NDRG4: variants seen among roughly 807,000 people sequenced by gnomAD.
NDRG4 encodes the protein protein NDRG4.
Under a neutral mutation model 55.8 loss-of-function variants are expected in NDRG4, and 38 were observed. The ratio of observed to expected loss-of-function variants is 0.68; its 90% CI spans 0.53 to 0.89. The LOEUF (loss-of-function observed/expected upper bound fraction) is 0.89. Among genes scored for constraint, NDRG4 ranks in the 40% least tolerant of loss-of-function variants. The pLI is 0.00. For synonymous variants in NDRG4, 190 were observed against 182.7 expected (o/e 1.04, Z -0.32); for missense variants, 455 against 468.6 (o/e 0.97, Z 0.27).
rs1384479739 is a variant in NDRG4 at position 58,500,150 on chromosome 16, C to T, written c.-99C>T. 3.9e-6 allele frequency: 6 copies of T among 1,535,182 alleles called. No individual in the cohort carries two copies. The Admixed American group carries it at 5.9e-5, about 15-fold the overall frequency. On this transcript the variant is annotated 5_prime_UTR_variant, in exon 1 of 15. Coordinates refer to ENST00000570248, the MANE Select transcript of NDRG4 (RefSeq NM_001242835.2). ...CAGGAGCTGTGCCCCATCACAGAGC[C>T]GACCATCTCCCACTCGAGCTGCCCC... is the stretch of plus-strand genomic sequence containing the variant.
rs144560470 is a variant in NDRG4, at chr16:58,503,809, C to T, written c.33C>T (p.Ile11=). The stretch of plus-strand genomic sequence containing the variant: ...TCTCTCCCCTTCAGGAACATGACAT[C>T]GAGACACCCTACGGCCTTCTGCATG... MPECWDGEHD[I]ETPYGLLHVV... The change falls in exon 2 of 15, where the codon ATC becomes ATT. Residue 11 remains isoleucine, a synonymous_variant. Transcript: ENST00000570248. 40 of 1,613,826 alleles carry T rather than the reference C, an allele frequency of 2.5e-5. No individual in the cohort carries two copies. The highest frequency in any genetic ancestry group is 1.3e-4 in the Admixed American group (8 of 60,000).
At chr16:58,487,903 GC>G in intron 2 of NDRG4, 1 of 1,371,718 alleles carries the variant, frequency 7.3e-7, no homozygotes, top group East Asian at 2.7e-5. Flanking sequence ...CCACCTCGTG[GC>G]CAAGAGGGAG....
intron 14 of NDRG4, 103 bp downstream of exon 14, chr16:58,510,786 T>C: frequency 9.2e-7 from 1 of 1,091,644 alleles, no homozygotes; most frequent in Non-Finnish European, 1.3e-6. Flanking sequence ...CTTGCTGTGG[T>C]TTGGAACCTT....
chr16:58,470,912 A>G (rs1459408920), intron 1 of NDRG4, among the ~76,000 whole-genome samples: 1 of 151,106 alleles, frequency 6.6e-6, no homozygotes, highest in Non-Finnish European at 1.5e-5. Context: ...ATCTCCAAAA[A>G]AAAAAAAAAA....
chr16:58,507,212 G>C (rs558517634), intron 8 of NDRG4, 197 bp downstream of exon 8: 17 of 579,680 alleles, frequency 2.9e-5, no homozygotes, highest in Middle Eastern at 4.6e-4. Context: ...TTCAGACTCC[G>C]GGCCTTGGGC....
chr16:58,495,622 A>G (rs1056975982), upstream of NDRG4: 1 of 152,910 alleles, frequency 6.5e-6, no homozygotes, highest in African/African-American at 2.4e-5. Context: ...TCAGCCTCCA[A>G]GCCCCGTGAC....
rs1597291264 is a variant in NDRG4, at chr16:58,503,587, A to G, written c.22-211A>G. 5.5e-6 allele frequency: 5 copies of G among 906,482 alleles called. No homozygotes were observed. The East Asian group carries it at 1.1e-4, about 19-fold the overall frequency. 56.2% of individuals were successfully genotyped at this position (906,482 alleles called of 1,614,324 possible). A position where few individuals can be genotyped will look rare whatever the true frequency, so the allele number is the denominator to read the frequency against. The stretch of plus-strand genomic sequence containing the variant: ...GGACCAGACCTTCCCCATGCAGATC[A>G]GTTCACATTGTCTCTGTACTGAACA... On this transcript the variant is annotated intron_variant, in intron 1 of 14. Coordinates refer to ENST00000570248, the MANE Select transcript of NDRG4 (RefSeq NM_001242835.2).
Position 58,506,133 on chromosome 16 carries a change from C to CGTGTGTGTGT in NDRG4, c.373-239_373-230dup, listed in dbSNP as rs113481456. The stretch of plus-strand genomic sequence containing the variant: ...TTAAGAGCTGATTCTGTTGAAAGAG[C>CGTGTGTGTGT]GTGTGTGTGTGTGTGTGTGTGTGTC... On this transcript the variant is annotated intron_variant, in intron 5 of 14. Coordinates refer to ENST00000570248, the MANE Select transcript of NDRG4 (RefSeq NM_001242835.2). 6.1e-3 allele frequency: 3,307 copies of CGTGTGTGTGT among 540,214 alleles called. 79 individuals are homozygous for CGTGTGTGTGT. Among genetic ancestry groups the CGTGTGTGTGT allele is most frequent in the African/African-American group, 0.037 (1,680 of 44,968 alleles). The allele number at this position is 540,214 out of a possible 1,614,324, so 33.5% of individuals were successfully genotyped here. A position where few individuals can be genotyped will look rare whatever the true frequency, so the allele number is the denominator to read the frequency against.
At chr16:58,497,808 G>A (rs971160811), upstream of NDRG4, among the ~76,000 whole-genome samples, 3 of 152,194 alleles carry the variant, frequency 2.0e-5, no homozygotes, top group Admixed American at 6.5e-5. Context: ...GAGGCACACA[G>A]GCTGCCTCAT....
chr16:58,507,796 C>A lies in NDRG4; in HGVS notation c.621-12C>A. On this transcript the variant is annotated splice_polypyrimidine_tract_variant and intron_variant, in intron 8 of 14. Transcript: ENST00000570248. ...GCCCACCTCTGCCTCTGCCCCTCCC[C>A]CTGCCCCACAGCCGCAGAGACCTGG... The A allele has an allele frequency of 6.2e-7, 1 of 1,612,998 alleles. No homozygotes were observed. The highest frequency in any genetic ancestry group is 8.5e-7 in the Non-Finnish European group (1 of 1,179,656).
chr16:58,492,485 C>T (rs1160860740), intron 2 of NDRG4, among the ~76,000 whole-genome samples: 2 of 146,204 alleles, frequency 1.4e-5, no homozygotes, highest in African/African-American at 2.6e-5. Flanking sequence ...ATTATCTGCT[C>T]CACCGTGTGT....
chr16:58,465,782 G>C (rs1350093747), intron 1 of NDRG4, among the ~76,000 whole-genome samples: 1 of 152,194 alleles, frequency 6.6e-6, no homozygotes, highest in Non-Finnish European at 1.5e-5. Context: ...CAGACTTGTA[G>C]AGAAGGAAAG....
intron 14 of NDRG4, 113 bp from the exon 15 acceptor site, chr16:58,511,309 T>A: frequency 7.9e-7 from 1 of 1,264,712 alleles, no homozygotes; most frequent in Non-Finnish European, 1.1e-6. Context: ...GGAGGAGCCC[T>A]TTGTGCCTTC....
chr16:58,499,615 A>C (rs1038351875), upstream of NDRG4: 1 of 154,522 alleles, frequency 6.5e-6, no homozygotes. Flanking sequence ...CACAAGGTTA[A>C]GCGATGGAAC....
At chr16:58,482,718 TCCC>T in intron 1 of NDRG4, among the ~76,000 whole-genome samples, 2 of 123,006 alleles carry the variant, frequency 1.6e-5, no homozygotes, top group African/African-American at 6.0e-5. Context: ...CTTTCCTTCC[TCCC>T]TCCCTCCCTC....
chr16:58,466,099 G>A (rs1215732323), intron 1 of NDRG4, among the ~76,000 whole-genome samples: 5 of 152,278 alleles, frequency 3.3e-5, no homozygotes, highest in South Asian at 2.1e-4. Context: ...TCCCTGCAGC[G>A]TCCGTCTCCC....
intron 8 of NDRG4, 195 bp from the exon 9 acceptor site, chr16:58,507,613 T>C (rs1433974925): frequency 3.4e-6 from 2 of 588,514 alleles, no homozygotes; most frequent in Non-Finnish European, 6.0e-6. Context: ...CTGAGGGGGA[T>C]AGAGAGCAAA....
chr16:58,507,927 C>T (rs1203898968), intron 9 of NDRG4, 21 bp from the exon 10 acceptor site: 1 of 1,612,842 alleles, frequency 6.2e-7, no homozygotes, highest in Non-Finnish European at 8.5e-7. Flanking sequence ...GCCAGACAGC[C>T]CTTTTCCTCT....
chr16:58,482,878 G>A (rs1278988625), intron 1 of NDRG4, among the ~76,000 whole-genome samples: 1 of 151,788 alleles, frequency 6.6e-6, no homozygotes, highest in Non-Finnish European at 1.5e-5. Flanking sequence ...CACCTCCCGG[G>A]CTCAAGTAAT....
Sources: gnomAD v4.1 joint callset for allele counts (sites outside exome capture counted in the v4.1 genomes callset) on GRCh38, gnomAD v4.1.1 for gene constraint, MANE v1.5 for transcripts, NCBI Gene and HGNC (gene_info 2026-07-23, HGNC 2026-07-21) for gene names.